KIF11: variants seen among roughly 807,000 people sequenced by gnomAD.
KIF11 encodes kinesin-like protein KIF11.
KIF11 carries 9 observed loss-of-function variants against 121.0 expected under a neutral mutation model. The observed-to-expected ratio is 0.07, with a 90% CI of 0.04 to 0.13. The LOEUF (loss-of-function observed/expected upper bound fraction) is 0.13. Among genes scored for constraint, KIF11 ranks in the 10% least tolerant of loss-of-function variants. The pLI, the probability that KIF11 is intolerant of heterozygous loss-of-function variation, is 1.00. For missense variants in KIF11, 846 were observed against 1,217.5 expected, an observed-to-expected ratio of 0.69 and a Z score of 4.54; for synonymous variants, 408 against 421.0, an observed-to-expected ratio of 0.97 and a Z score of 0.38.
rs564779267 is a variant in KIF11 at position 92,655,024 on chromosome 10, T to C, written c.*1228T>C. On this transcript the variant is annotated 3_prime_UTR_variant, in exon 22 of 22. Transcript: ENST00000260731. ...ATAATACAATGTGTACATGTATCTT[T>C]TTCTCGATTCAAATCTTAACCCTTA... 3 of 152,790 alleles carry C rather than the reference T, an allele frequency of 2.0e-5. No individual in the cohort carries two copies. Among genetic ancestry groups the C allele is most frequent in the South Asian group, 4.2e-4 (2 of 4,810 alleles). 9.5% of individuals were successfully genotyped at this position (152,790 alleles called of 1,614,324 possible).
chr10:92,610,178 G>A (rs12356724), intron 6 of KIF11, among the ~76,000 whole-genome samples: 1 of 152,152 alleles, frequency 6.6e-6, no homozygotes, highest in Non-Finnish European at 1.5e-5. Context: ...GGGTCCCTGA[G>A]GCACTTTTGT....
Position 92,606,250 on chromosome 10 carries a change from T to C in KIF11, c.78-15T>C. 3 of 1,572,848 alleles carry C rather than the reference T, an allele frequency of 1.9e-6. No individual in the cohort carries two copies. The highest frequency in any genetic ancestry group is 2.6e-6 in the Non-Finnish European group (3 of 1,166,626). On this transcript the variant is annotated splice_polypyrimidine_tract_variant and intron_variant, in intron 1 of 21. Coordinates refer to ENST00000260731, the MANE Select transcript of KIF11 (RefSeq NM_004523.4). ...CTAAGAGCTCTTGAATGACTTTGTG[T>C]ATTTCTTTTTATAGACCATTTAATT...
chr10:92,608,957 TG>T (rs1190070101), intron 4 of KIF11, 62 bp from the exon 5 acceptor site: 7 of 874,290 alleles, frequency 8.0e-6, no homozygotes, highest in Non-Finnish European at 1.2e-5. Context: ...AGGAGGCCCA[TG>T]TATTTTAACT....
intron 9 of KIF11, among the ~76,000 whole-genome samples, chr10:92,621,036 C>T (rs541251606): frequency 3.9e-5 from 6 of 152,286 alleles, no homozygotes; most frequent in Admixed American, 1.3e-4. Flanking sequence ...CAAGATGTTC[C>T]GTATTCATCT....
chr10:92,596,773 A>T (rs977934762), intron 1 of KIF11: 1 of 152,922 alleles, frequency 6.5e-6, no homozygotes, highest in Non-Finnish European at 1.5e-5. Flanking sequence ...TTTCAGATAC[A>T]TAAACGGCAA....
At chr10:92,599,058 G>C (rs1844334176) in intron 1 of KIF11, among the ~76,000 whole-genome samples, 1 of 151,760 alleles carries the variant, frequency 6.6e-6, no homozygotes, top group Admixed American at 6.6e-5. Context: ...GATTATAGGC[G>C]TGAGCCACTG....
chr10:92,633,300 T>G (rs181070331), intron 13 of KIF11, among the ~76,000 whole-genome samples: 93 of 152,204 alleles, frequency 6.1e-4, no homozygotes, highest in Non-Finnish European at 1.0e-3. Flanking sequence ...TCCAGTTTTT[T>G]TTTTCTTCTG....
intron 1 of KIF11, among the ~76,000 whole-genome samples, chr10:92,605,061 G>C (rs1589589475): frequency 6.6e-6 from 1 of 152,000 alleles, no homozygotes; most frequent in African/African-American, 2.4e-5. Flanking sequence ...GGTGTATAAA[G>C]GGTGCTGTAG....
chr10:92,648,195 A>G lies in KIF11; in HGVS notation c.2548-17A>G, dbSNP rs1436661688. The G allele has an allele frequency of 2.0e-6, 3 of 1,471,688 alleles. No homozygotes were observed. The highest frequency in any genetic ancestry group is 4.1e-5 in the Admixed American group (2 of 48,792). 91.2% of individuals were successfully genotyped at this position (1,471,688 alleles called of 1,614,324 possible). On this transcript the variant is annotated splice_polypyrimidine_tract_variant and intron_variant, in intron 18 of 21. Coordinates refer to ENST00000260731, the MANE Select transcript of KIF11 (RefSeq NM_004523.4). Reference sequence around the variant, plus strand: ...ACTTTAATTTTAGTAATAAATATTTATTTGCATCATTTACAGGTTGTAAGC... The same window carrying G: ...ACTTTAATTTTAGTAATAAATATTTGTTTGCATCATTTACAGGTTGTAAGC...
At chr10:92,611,821 C>T (rs1205636298) in intron 6 of KIF11, among the ~76,000 whole-genome samples, 1 of 152,112 alleles carries the variant, frequency 6.6e-6, no homozygotes, top group Non-Finnish European at 1.5e-5. Flanking sequence ...ACTGCTTGAA[C>T]CCAGGAGGCA....
intron 1 of KIF11, among the ~76,000 whole-genome samples, chr10:92,602,330 G>C (rs1030398391): frequency 6.6e-6 from 1 of 152,168 alleles, no homozygotes; most frequent in African/African-American, 2.4e-5. Flanking sequence ...AGATTGAGAA[G>C]AACTGGTATT....
chr10:92,612,147 T>C (rs1253631141), intron 6 of KIF11, among the ~76,000 whole-genome samples: 1 of 152,080 alleles, frequency 6.6e-6, no homozygotes, highest in Non-Finnish European at 1.5e-5. Flanking sequence ...TTGTGATTTT[T>C]TTTTTTGAGA....
chr10:92,620,273 G>T (rs1262467832), intron 9 of KIF11, among the ~76,000 whole-genome samples: 2 of 151,844 alleles, frequency 1.3e-5, no homozygotes, highest in Non-Finnish European at 2.9e-5. Context: ...GTAGAGACAG[G>T]GTTTCACCAT....
rs1175303233 is a variant in KIF11, at chr10:92,651,507, G to GTTTTTTTTTTTTTTT, written c.3039+1017_3039+1031dup. ...TGTGCCACCATGCCTGGCTAATTTT[G>GTTTTTTTTTTTTTTT]TTTTTTTTTTTTTTTTTTTTTTTTT... On this transcript the variant is annotated intron_variant, in intron 21 of 21. Transcript: ENST00000260731. Among the ~76,000 whole-genome samples the GTTTTTTTTTTTTTTT allele has an allele frequency of 4.5e-4, 24 of 52,970 alleles. 5 individuals are homozygous for GTTTTTTTTTTTTTTT. Among genetic ancestry groups the GTTTTTTTTTTTTTTT allele is most frequent in the Admixed American group, 7.6e-4 (3 of 3,940 alleles). 34.8% of individuals were successfully genotyped at this position (52,970 alleles called of 152,430 possible).
chr10:92,608,661 T>G (rs1373603410), intron 4 of KIF11, among the ~76,000 whole-genome samples: 1 of 152,106 alleles, frequency 6.6e-6, no homozygotes, highest in Non-Finnish European at 1.5e-5. Context: ...ATGGTCTTGA[T>G]CTCCTGACCT....
intron 12 of KIF11, among the ~76,000 whole-genome samples, chr10:92,631,682 CTT>C (rs147810086): frequency 6.7e-6 from 1 of 148,798 alleles, no homozygotes. Flanking sequence ...ATTAGTTGTA[CTT>C]TTTTTTTTTG....
At chr10:92,621,503 A>G in intron 10 of KIF11, 30 bp downstream of exon 10, 1 of 1,315,420 alleles carries the variant, frequency 7.6e-7, no homozygotes, top group Non-Finnish European at 1.1e-6. Flanking sequence ...GTTAATTTCC[A>G]AGAATAAGCA....
intron 4 of KIF11, among the ~76,000 whole-genome samples, chr10:92,607,611 T>C (rs977320360): frequency 1.3e-5 from 2 of 152,192 alleles, no homozygotes; most frequent in African/African-American, 4.8e-5. Context: ...TATAGTACTT[T>C]ATTCATGATG....
chr10:92,629,934 T>C (rs1380904833), intron 11 of KIF11, among the ~76,000 whole-genome samples: 1 of 152,186 alleles, frequency 6.6e-6, no homozygotes, highest in Non-Finnish European at 1.5e-5. Flanking sequence ...CACTGTTATA[T>C]TCAAATCCAT....
Sources: gnomAD v4.1 joint callset for allele counts (sites outside exome capture counted in the v4.1 genomes callset) on GRCh38, gnomAD v4.1.1 for gene constraint, MANE v1.5 for transcripts, NCBI Gene and HGNC (gene_info 2026-07-23, HGNC 2026-07-21) for gene names.